The following WDHD1 variants were observed in gnomAD, a reference collection of about 807,000 sequenced individuals.
The protein encoded by WDHD1 is WD repeat and HMG-box DNA-binding protein 1.
A neutral mutation model predicts 135.4 loss-of-function variants in WDHD1; 111 were observed. That is an observed-to-expected ratio of 0.82 (90% CI 0.70 to 0.96). The LOEUF (loss-of-function observed/expected upper bound fraction) is 0.96. Ranked by LOEUF, WDHD1 falls within the 40% of genes least tolerant of loss-of-function variation. The probability of loss-of-function intolerance (pLI) is 0.00; values close to 1 mark genes in which losing one functional copy is unlikely to be tolerated. For synonymous variants in WDHD1, 434 were observed against 439.0 expected, an observed-to-expected ratio of 0.99 and a Z score of 0.14; for missense variants, 1,351 against 1,336.3, an observed-to-expected ratio of 1.01 and a Z score of -0.17.
chr14:55,001,659 GA>G lies in WDHD1; in HGVS notation c.693+433del, dbSNP rs112077106. Among the ~76,000 whole-genome samples the G allele has an allele frequency of 8.1e-3, 1,233 of 152,324 alleles. 15 individuals carry two copies. Among genetic ancestry groups the G allele is most frequent in the African/African-American group, 0.028 (1,181 of 41,564 alleles). ...TCTTAGCATTCACAATCAAGATGAA[GA>G]AAACTAGTAAGTGAAGTGAACTTTA... On this transcript the variant is annotated intron_variant, in intron 8 of 25. Transcript: ENST00000360586.
chr14:55,018,586 T>C (rs947649062), intron 2 of WDHD1, among the ~76,000 whole-genome samples: 2 of 152,160 alleles, frequency 1.3e-5, no homozygotes, highest in African/African-American at 2.4e-5. Context: ...ACCCTATTAT[T>C]GAAGAAGTGT....
chr14:54,962,617 A>G (rs1259131357), intron 20 of WDHD1, 66 bp from the exon 21 acceptor site: 1 of 1,523,868 alleles, frequency 6.6e-7, no homozygotes, highest in Non-Finnish European at 9.1e-7. Context: ...ATATACAACA[A>G]CCAGATAGCA....
In WDHD1 at chr14:54,983,229, T is replaced by C. The variant is rs183175197; in HGVS notation, c.1906+1494A>G. On this transcript the variant is annotated intron_variant, in intron 15 of 25. Coordinates refer to ENST00000360586, the MANE Select transcript of WDHD1 (RefSeq NM_007086.4). ...GTACTCCTCAGTGTCTTTCAAATCA[T>C]CTGTCATAAGCCTCTAGAATTTGGT... is the stretch of plus-strand genomic sequence containing the variant. Among the ~76,000 whole-genome samples, 13 of 152,116 alleles carry C rather than the reference T, an allele frequency of 8.5e-5. No individual in the cohort carries two copies. In the East Asian group the frequency reaches 2.3e-3, roughly 27 times the overall value.
Position 54,975,068 on chromosome 14 carries a change from T to A in WDHD1, c.2063+6472A>T, listed in dbSNP as rs74367340. Among the ~76,000 whole-genome samples, 699 of 152,338 alleles carry A rather than the reference T, an allele frequency of 4.6e-3. 7 individuals carry two copies. Among genetic ancestry groups the A allele is most frequent in the African/African-American group, 0.016 (656 of 41,578 alleles). ...GTGGTATAGCACATCTAGTCGGTAC[T>A]ATAATAAATGCTAATTCAGTGAACA... is the stretch of plus-strand genomic sequence containing the variant. On this transcript the variant is annotated intron_variant, in intron 16 of 25. Coordinates refer to ENST00000360586, the MANE Select transcript of WDHD1 (RefSeq NM_007086.4).
At chr14:54,949,168 T>C (rs958420340) in intron 24 of WDHD1, among the ~76,000 whole-genome samples, 5 of 151,850 alleles carry the variant, frequency 3.3e-5, no homozygotes, top group South Asian at 4.2e-4. Context: ...CTTTGACGAG[T>C]TGAGAGAAGA....
chr14:55,010,340 C>T lies in WDHD1; in HGVS notation c.310G>A (p.Gly104Arg). The T allele has an allele frequency of 6.2e-7, 1 of 1,608,938 alleles. No individual in the cohort carries two copies. Among genetic ancestry groups the T allele is most frequent in the Non-Finnish European group, 8.5e-7 (1 of 1,178,420 alleles). The change falls in exon 4 of 26, where the codon GGG becomes AGG. Residue 104 changes from glycine to arginine, a missense_variant. By Grantham distance (125) the Gly-to-Arg change is moderately radical. Coordinates refer to ENST00000360586, the MANE Select transcript of WDHD1 (RefSeq NM_007086.4). ...CCAGCAGCAATTTTAGTACCATCCC[C>T]ATTAAAGACCACATGGTTTGCATTT... ...TTNANHVVFN[G>R]DGTKIAAGSS...
At chr14:55,023,592 G>C (rs1398364642) in intron 2 of WDHD1, among the ~76,000 whole-genome samples, 1 of 152,138 alleles carries the variant, frequency 6.6e-6, no homozygotes, top group Non-Finnish European at 1.5e-5. Flanking sequence ...GTTATTCAAA[G>C]TTTACGGCAT....
rs1480616711 is a variant in WDHD1, at chr14:54,967,384, A to G, written c.2074T>C (p.Cys692Arg). Reference sequence around the variant, plus strand: ...GTTGGGGGAAACCGAGAACCTTTACAAGGAATGCACCTGTTAGTAAAGAAA... The same window carrying G: ...GTTGGGGGAAACCGAGAACCTTTACGAGGAATGCACCTGTTAGTAAAGAAA... ...ENPQQLRCIP[C>R]KGSRFPPTLP... The change falls in exon 17 of 26, where the codon TGT becomes CGT. Residue 692 changes from cysteine to arginine, a missense_variant. Cys to Arg is a radical substitution (Grantham distance 180). Coordinates refer to ENST00000360586, the MANE Select transcript of WDHD1 (RefSeq NM_007086.4). 1.2e-6 allele frequency: 2 copies of G among 1,609,910 alleles called. No individual in the cohort carries two copies. Among genetic ancestry groups the G allele is most frequent in the Non-Finnish European group, 1.7e-6 (2 of 1,177,576 alleles).
At position 54,989,280 on chromosome 14, in the gene WDHD1, T is replaced by C. The variant is rs1482444495; in HGVS notation, c.1342-68A>G. 45 of 1,102,226 alleles carry C rather than the reference T, an allele frequency of 4.1e-5. No homozygotes were observed. The Middle Eastern group carries it at 1.2e-3, about 29-fold the overall frequency. 68.3% of individuals were successfully genotyped at this position (1,102,226 alleles called of 1,614,324 possible). ...AGCTCCTAGAATCAGTAAGCCACAG[T>C]AGTACAAATTAACAAATATTATAAT... On this transcript the variant is annotated intron_variant, in intron 12 of 25. Transcript: ENST00000360586.
rs2040808774 is a variant in WDHD1 at position 54,939,486 on chromosome 14, T to C, written c.*2004A>G. On this transcript the variant is annotated 3_prime_UTR_variant, in exon 26 of 26. Transcript: ENST00000360586. ...TTAAGTATATGTCAATTTTCTATAG[T>C]ATACAATAAGCTCAAGTAGGCAATA... 2.0e-5 allele frequency: 3 copies of C among 152,084 alleles called. 1 individual carries two copies. The South Asian group carries it at 6.2e-4, about 32-fold the overall frequency. 9.4% of individuals were successfully genotyped at this position (152,084 alleles called of 1,614,324 possible).
intron 18 of WDHD1, among the ~76,000 whole-genome samples, 162 bp from the exon 19 acceptor site, chr14:54,963,334 GAATTACAATT>G (rs984803124): frequency 2.6e-5 from 4 of 151,882 alleles, no homozygotes; most frequent in Non-Finnish European, 4.4e-5. Context: ...TCTGAAATTG[GAATTACAATT>G]AATTACAATT....
At chr14:54,980,319 G>C (rs148257332) in intron 16 of WDHD1, among the ~76,000 whole-genome samples, 4,824 of 146,280 alleles carry the variant, frequency 0.033, 250 homozygotes, top group African/African-American at 0.12. Context: ...GTGAGACTCT[G>C]TCTCAAAAAA....
chr14:55,023,430 T>C (rs1381080911), intron 2 of WDHD1, among the ~76,000 whole-genome samples: 1 of 152,252 alleles, frequency 6.6e-6, no homozygotes, highest in Non-Finnish European at 1.5e-5. Flanking sequence ...TGGATTCATT[T>C]ATCTTGAAAT....
chr14:54,991,444 TG>T, intron 11 of WDHD1, 44 bp from the exon 12 acceptor site: 1 of 1,565,776 alleles, frequency 6.4e-7, no homozygotes, highest in Non-Finnish European at 8.7e-7. Context: ...CGAATACCAA[TG>T]ATTTGGAAAA....
chr14:54,984,331 C>CA (rs1456256109), intron 15 of WDHD1, among the ~76,000 whole-genome samples: 1 of 152,022 alleles, frequency 6.6e-6, no homozygotes, highest in African/African-American at 2.4e-5. Flanking sequence ...CCTGTCTCTA[C>CA]AAAAAATACA....
Position 55,008,688 on chromosome 14 carries a change from C to T in WDHD1, c.373G>A (p.Asp125Asn). ...DFLVKIVDVM[D>N]SSQQKTFRGH... The stretch of plus-strand genomic sequence containing the variant: ...CGAAATGTTTTCTGTTGGCTGCTAT[C>T]CATCACATCCACAATTTTGACTAGA... Residue 125 changes from aspartate (D) to asparagine (N), a missense_variant, in exon 5 of 26, where the codon GAT (aspartate) becomes AAT (asparagine). This residue lies in a region of WDHD1 where 1,330 missense variants were observed against 1,296.1 expected (regional missense o/e 1.03). Transcript: ENST00000360586. 1.2e-6 allele frequency: 2 copies of T among 1,612,562 alleles called. No homozygotes were observed. The highest frequency in any genetic ancestry group is 1.7e-6 in the Non-Finnish European group (2 of 1,179,642).
At chr14:55,022,812 C>A (rs1054221070) in intron 2 of WDHD1, among the ~76,000 whole-genome samples, 3 of 151,624 alleles carry the variant, frequency 2.0e-5, no homozygotes, top group Admixed American at 6.6e-5. Flanking sequence ...GCCATCTTGA[C>A]CCTTTCTCTT....
At chr14:54,986,994 G>T (rs2140196655) in intron 14 of WDHD1, 152 bp downstream of exon 14, 1 of 843,610 alleles carries the variant, frequency 1.2e-6, no homozygotes, top group Non-Finnish European at 1.8e-6. Flanking sequence ...TTTCATTGCT[G>T]CTAGTGAACA....
intron 10 of WDHD1, 55 bp downstream of exon 10, chr14:55,000,448 T>A (rs2041959708): frequency 2.0e-6 from 3 of 1,491,550 alleles, no homozygotes; most frequent in African/African-American, 1.4e-5. Flanking sequence ...GTCTTCCAAA[T>A]CCATATGATC....
Sources: gnomAD v4.1 joint callset for allele counts (sites outside exome capture counted in the v4.1 genomes callset) on GRCh38, gnomAD v4.1.1 for gene constraint, gnomAD v4.1.1 regional missense constraint, MANE v1.5 for transcripts, NCBI Gene and HGNC (gene_info 2026-07-23, HGNC 2026-07-21) for gene names.